GATB: variants seen among roughly 807,000 people sequenced by gnomAD.
GATB encodes the protein glutamyl-tRNA(Gln) amidotransferase subunit B, mitochondrial.
A neutral mutation model predicts 62.3 loss-of-function variants in GATB; 39 were observed. The observed-to-expected ratio is 0.63, with a 90% CI of 0.48 to 0.82. The LOEUF (loss-of-function observed/expected upper bound fraction) is 0.82, where lower values mean the gene tolerates loss of function less well. GATB is among the 40% of genes least tolerant of loss of function. The pLI is 0.00. For missense variants in GATB, 670 were observed against 684.0 expected (o/e 0.98, Z 0.23); for synonymous variants, 276 against 258.9 (o/e 1.07, Z -0.63).
intron 10 of GATB, among the ~76,000 whole-genome samples, chr4:151,680,907 C>T (rs2126956464): frequency 6.6e-6 from 1 of 152,268 alleles, no homozygotes; most frequent in South Asian, 2.1e-4. Context: ...GTTAGGGATA[C>T]TCAACCTGTA....
chr4:151,710,274 C>A (rs1272847668), intron 5 of GATB, among the ~76,000 whole-genome samples: 7 of 152,194 alleles, frequency 4.6e-5, no homozygotes, highest in Admixed American at 4.6e-4. Flanking sequence ...CCTTCTCTCC[C>A]ATACCAGTCA....
At chr4:151,674,779 C>G (rs1737960073) in intron 11 of GATB, 1 of 152,228 alleles carries the variant, frequency 6.6e-6, no homozygotes, top group Non-Finnish European at 1.5e-5. Context: ...TCTGCACAGA[C>G]TCCCAAAAAA....
intron 1 of GATB, 111 bp from the exon 2 acceptor site, chr4:151,759,033 C>T: frequency 1.5e-6 from 1 of 663,198 alleles, no homozygotes. Flanking sequence ...AAACTTAATA[C>T]AATGTTATAT....
At chr4:151,749,053 T>C (rs1230813721) in intron 2 of GATB, among the ~76,000 whole-genome samples, 1 of 152,222 alleles carries the variant, frequency 6.6e-6, no homozygotes, top group Non-Finnish European at 1.5e-5. Flanking sequence ...ACTTTTACAC[T>C]GTTGGTAGGA....
intron 2 of GATB, among the ~76,000 whole-genome samples, chr4:151,731,463 T>C (rs1257987819): frequency 1.3e-5 from 2 of 152,182 alleles, no homozygotes; most frequent in African/African-American, 4.8e-5. Context: ...CTCGGCTAGC[T>C]ACAACCTCCA....
intron 2 of GATB, among the ~76,000 whole-genome samples, chr4:151,736,937 C>G (rs1475699342): frequency 6.6e-6 from 1 of 152,214 alleles, no homozygotes; most frequent in Non-Finnish European, 1.5e-5. Flanking sequence ...CCAGGTGGAA[C>G]TGTAAGTCCA....
intron 2 of GATB, among the ~76,000 whole-genome samples, chr4:151,739,943 C>T (rs979173731): frequency 1.3e-5 from 2 of 152,114 alleles, no homozygotes; most frequent in East Asian, 3.9e-4. Context: ...TCTACTCTGG[C>T]GACATGATAA....
At chr4:151,746,417 T>C (rs1410504074) in intron 2 of GATB, among the ~76,000 whole-genome samples, 1 of 152,258 alleles carries the variant, frequency 6.6e-6, no homozygotes, top group Non-Finnish European at 1.5e-5. Flanking sequence ...GGAATGGTAT[T>C]GTTAAATAGG....
At chr4:151,737,781 G>C (rs559143785) in intron 2 of GATB, among the ~76,000 whole-genome samples, 1 of 152,328 alleles carries the variant, frequency 6.6e-6, no homozygotes, top group African/African-American at 2.4e-5. Context: ...GTACAGCTTG[G>C]ACTGTTGCTT....
intron 2 of GATB, among the ~76,000 whole-genome samples, chr4:151,757,232 G>T (rs552870769): frequency 6.6e-6 from 1 of 152,266 alleles, no homozygotes; most frequent in African/African-American, 2.4e-5. Flanking sequence ...TTCTCCCAGA[G>T]GGACCCAGCA....
intron 9 of GATB, among the ~76,000 whole-genome samples, chr4:151,698,794 A>G (rs1346469681): frequency 6.6e-6 from 1 of 152,122 alleles, no homozygotes; most frequent in Non-Finnish European, 1.5e-5. Context: ...TAATCACCCA[A>G]TACATTATCT....
At chr4:151,751,861 C>G (rs897380850) in intron 2 of GATB, among the ~76,000 whole-genome samples, 1 of 152,122 alleles carries the variant, frequency 6.6e-6, no homozygotes, top group Non-Finnish European at 1.5e-5. Flanking sequence ...AATCAGATAC[C>G]TGTTAATTCC....
At chr4:151,692,684 C>A (rs971903007) in intron 9 of GATB, among the ~76,000 whole-genome samples, 1 of 152,198 alleles carries the variant, frequency 6.6e-6, no homozygotes, top group African/African-American at 2.4e-5. Flanking sequence ...CCCTGCCTTG[C>A]CTCTGCATCC....
At chr4:151,735,757 T>TATATATATATATA (rs1186195836) in intron 2 of GATB, among the ~76,000 whole-genome samples, 88 of 136,306 alleles carry the variant, frequency 6.5e-4, no homozygotes, top group Middle Eastern at 3.7e-3. Flanking sequence ...TATATATATA[T>TATATATATATATA]GATGGAATAC....
Position 151,760,948 on chromosome 4 carries a change from C to T in GATB, c.35G>A (p.Gly12Glu). 1 of 1,613,372 alleles carries T rather than the reference C, an allele frequency of 6.2e-7. No individual in the cohort carries two copies. The highest frequency in any genetic ancestry group is 8.5e-7 in the Non-Finnish European group (1 of 1,179,832). Residue 12 changes from glycine (G) to glutamate (E), a missense_variant, in exon 1 of 13, where the codon GGA becomes GAA. Physicochemically the swap from Gly to Glu is moderately conservative, Grantham distance 98 (BLOSUM62 -2). Coordinates refer to ENST00000263985, the MANE Select transcript of GATB (RefSeq NM_004564.3). ...AAPMLRWGCR[G>E]RRWAFARVDG... ...AACCCGGGCGAAAGCCCAACGTCTT[C>T]CACGGCAGCCCCAGCGCAGCATGGG...
intron 10 of GATB, among the ~76,000 whole-genome samples, chr4:151,681,950 A>G (rs1176277112): frequency 6.6e-6 from 1 of 152,138 alleles, no homozygotes; most frequent in African/African-American, 2.4e-5. Context: ...ATTTCCTCAC[A>G]CCATCACCTT....
chr4:151,717,181 C>G, intron 3 of GATB, 107 bp from the exon 4 acceptor site: 1 of 1,013,346 alleles, frequency 9.9e-7, no homozygotes, highest in South Asian at 1.5e-5. Flanking sequence ...CTACTTAAAG[C>G]AAAAACAACA....
chr4:151,738,999 G>A (rs1739431345), intron 2 of GATB, among the ~76,000 whole-genome samples: 1 of 152,146 alleles, frequency 6.6e-6, no homozygotes, highest in African/African-American at 2.4e-5. Context: ...CATTGGGATG[G>A]CCTATGAGTT....
chr4:151,743,600 T>C (rs1343533477), intron 2 of GATB, among the ~76,000 whole-genome samples: 1 of 152,232 alleles, frequency 6.6e-6, no homozygotes, highest in African/African-American at 2.4e-5. Flanking sequence ...GGTTGAGAGC[T>C]AATCACTGAA....
Sources: gnomAD v4.1 joint callset for allele counts (sites outside exome capture counted in the v4.1 genomes callset) on GRCh38, gnomAD v4.1.1 for gene constraint, MANE v1.5 for transcripts, NCBI Gene and HGNC (gene_info 2026-07-23, HGNC 2026-07-21) for gene names.